DSCAML1: variants seen among roughly 807,000 people sequenced by gnomAD.
DSCAML1 encodes the protein cell adhesion molecule DSCAML1.
Under a neutral mutation model 200.5 loss-of-function variants are expected in DSCAML1, and 38 were observed. That is an observed-to-expected ratio of 0.19 (90% CI 0.15 to 0.25). The LOEUF is 0.25. Among genes scored for constraint, DSCAML1 ranks in the 10% least tolerant of loss-of-function variants. The pLI, the probability that DSCAML1 is intolerant of heterozygous loss-of-function variation, is 1.00. For synonymous variants in DSCAML1, 1,215 were observed against 1,165.0 expected (o/e 1.04, Z -0.87); for missense variants, 2,223 against 2,858.8 (o/e 0.78, Z 5.07).
At chr11:117,687,346 GA>G (rs2053417503) in intron 3 of DSCAML1, among the ~76,000 whole-genome samples, 1 of 151,496 alleles carries the variant, frequency 6.6e-6, no homozygotes, top group Non-Finnish European at 1.5e-5. Flanking sequence ...CTGCAGCTTC[GA>G]ACTCCTGAGC....
intron 3 of DSCAML1, among the ~76,000 whole-genome samples, chr11:117,693,499 C>G (rs926600048): frequency 6.6e-6 from 1 of 152,262 alleles, no homozygotes; most frequent in Non-Finnish European, 1.5e-5. Context: ...CCTGCACCCC[C>G]CCATTTGACA....
rs2047778357 is a variant in DSCAML1 at position 117,431,030 on chromosome 11, TTGTC to T, written c.5375-1_5377del. 3 of 1,610,122 alleles carry T rather than the reference TTGTC, an allele frequency of 1.9e-6. No individual in the cohort carries two copies. Among genetic ancestry groups the T allele is most frequent in the Non-Finnish European group, 2.5e-6 (3 of 1,177,702 alleles). ...AGTGGACACCATGCTGTTCCTTCCT[TTGTC>T]TGGGGAGTTAAGAGGAAAGGGGTGG... On this transcript the variant is annotated splice_acceptor_variant and coding_sequence_variant, in exon 32 of 33. Transcript: ENST00000651296. LOFTEE classifies it high-confidence loss of function.
intron 3 of DSCAML1, among the ~76,000 whole-genome samples, chr11:117,622,812 A>G (rs1428619110): frequency 6.6e-6 from 1 of 152,152 alleles, no homozygotes; most frequent in African/African-American, 2.4e-5. Flanking sequence ...GCATGCGGAC[A>G]TTTCCCATGC....
rs760919440 is a variant in DSCAML1, at chr11:117,521,413, G to A, written c.938-8C>T. The A allele has an allele frequency of 1.2e-5, 19 of 1,608,514 alleles. No individual in the cohort carries two copies. The highest frequency in any genetic ancestry group is 2.7e-5 in the African/African-American group (2 of 74,822). ...GGGTCACATGAAGGGGATCTGGGCCGGGCCAGGGAGACGTGAGGGGAAATG... is the reference window on the plus strand; with the variant it reads ...GGGTCACATGAAGGGGATCTGGGCCAGGCCAGGGAGACGTGAGGGGAAATG... On this transcript the variant is annotated splice_polypyrimidine_tract_variant and splice_region_variant and intron_variant, in intron 5 of 32. Transcript: ENST00000651296.
Position 117,521,343 on chromosome 11 carries a change from GGA to G in DSCAML1, c.998_999del (p.Ile333ThrfsTer25). 1 of 1,614,196 alleles carries G rather than the reference GGA, an allele frequency of 6.2e-7. No individual in the cohort carries two copies. Among genetic ancestry groups the G allele is most frequent in the Non-Finnish European group, 8.5e-7 (1 of 1,180,042 alleles). On this transcript the variant is annotated frameshift_variant, in exon 6 of 33. Transcript: ENST00000651296. LOFTEE classifies it high-confidence loss of function. ...KLKTGIGSTV[I>X]LSCALTGSPE... ...GGGGAGCCCGTCAGGGCACAGGAGA[GGA>G]TGACCGTGCTGCCAATGCCGGTCTT... is the stretch of plus-strand genomic sequence containing the variant.
chr11:117,744,275 C>T (rs1178315095), intron 3 of DSCAML1, among the ~76,000 whole-genome samples: 1 of 152,206 alleles, frequency 6.6e-6, no homozygotes, highest in African/African-American at 2.4e-5. Context: ...CAAACCTGGG[C>T]AGTGTGGCCT....
intron 3 of DSCAML1, among the ~76,000 whole-genome samples, chr11:117,737,211 T>G (rs886798097): frequency 6.6e-6 from 1 of 152,238 alleles, no homozygotes; most frequent in Non-Finnish European, 1.5e-5. Context: ...TAGTTATAAG[T>G]TAGAAAAGAT....
intron 3 of DSCAML1, among the ~76,000 whole-genome samples, chr11:117,658,813 C>G (rs924631248): frequency 6.6e-6 from 1 of 152,206 alleles, no homozygotes; most frequent in African/African-American, 2.4e-5. Context: ...ACAAACCACA[C>G]CTTTCCCCAG....
chr11:117,461,234 C>T (rs552500511), intron 18 of DSCAML1, among the ~76,000 whole-genome samples: 5 of 151,508 alleles, frequency 3.3e-5, no homozygotes, highest in South Asian at 2.1e-4. Context: ...CAGTTGAACA[C>T]GGAGGTGTTC....
intron 3 of DSCAML1, among the ~76,000 whole-genome samples, chr11:117,600,831 C>T (rs576322341): frequency 1.6e-4 from 24 of 152,250 alleles, no homozygotes; most frequent in African/African-American, 5.3e-4. Context: ...TTCCTTCTGC[C>T]CTGGCTGGCC....
chr11:117,518,611 G>T lies in DSCAML1; in HGVS notation c.1365C>A (p.Arg455=), dbSNP rs758110949. The T allele has an allele frequency of 4.3e-6, 7 of 1,613,808 alleles. No individual in the cohort carries two copies. Among genetic ancestry groups the T allele is most frequent in the Non-Finnish European group, 5.9e-6 (7 of 1,179,968 alleles). Residue 455 remains arginine (R), a synonymous_variant, in exon 7 of 33, where the codon CGC becomes CGA. Coordinates refer to ENST00000651296, the MANE Select transcript of DSCAML1 (RefSeq NM_020693.4). This position sits in a 1 kb window ranked among gnomAD's most constrained non-coding sequence, Gnocchi z 6.3. The part of the protein sequence containing the change: ...DEPIVRDGSH[R]TNQYTMSDGT... The stretch of plus-strand genomic sequence containing the variant: ...CGTCCGACATGGTGTACTGGTTGGT[G>T]CGGTGGCTGCCATCCCGCACGATGG...
chr11:117,506,547 CTTTTTTTT>C lies in DSCAML1; in HGVS notation c.1784-823_1784-816del, dbSNP rs5795089. 1.1e-4 allele frequency among the ~76,000 whole-genome samples: 11 copies of C among 96,860 alleles called. No homozygotes were observed. In the East Asian group the frequency reaches 1.2e-3, roughly 11 times the overall value. The allele number at this position is 96,860 out of a possible 152,430, so 63.5% of individuals were successfully genotyped here. A position where few individuals can be genotyped will look rare whatever the true frequency, so the allele number is the denominator to read the frequency against. ...TGCCCAGACAAGAGACAAGAGATAA[CTTTTTTTT>C]TTTTTTTTTTTTTTTTTTTGAGACA... is the stretch of plus-strand genomic sequence containing the variant. On this transcript the variant is annotated intron_variant, in intron 8 of 32. Coordinates refer to ENST00000651296, the MANE Select transcript of DSCAML1 (RefSeq NM_020693.4).
At chr11:117,750,099 G>C (rs73585247) in intron 3 of DSCAML1, among the ~76,000 whole-genome samples, 2,647 of 152,266 alleles carry the variant, frequency 0.017, 66 homozygotes, top group African/African-American at 0.06. Flanking sequence ...AGCCTTTCTG[G>C]GTTGCAGTTC....
At position 117,439,358 on chromosome 11, in the gene DSCAML1, C is replaced by T. The variant is rs763329451; in HGVS notation, c.4052G>A (p.Arg1351His). Residue 1351 changes from arginine to histidine, a missense_variant, in exon 23 of 33, where the codon CGT (arginine) becomes CAT (histidine). This residue lies in a region of DSCAML1 where 614 missense variants were observed against 739.1 expected (regional missense o/e 0.83). Coordinates refer to ENST00000651296, the MANE Select transcript of DSCAML1 (RefSeq NM_020693.4). Reference protein sequence around the residue: ...LIHTNGTLLLRAVKAEDSGYY... With the variant: ...LIHTNGTLLLHAVKAEDSGYY... ...GCCAGAGTCCTCAGCCTTCACTGCACGCAGCAGCAGTGTGCCATTGGTGTG... is the reference window on the plus strand; with the variant it reads ...GCCAGAGTCCTCAGCCTTCACTGCATGCAGCAGCAGTGTGCCATTGGTGTG... 1.6e-5 allele frequency: 26 copies of T among 1,613,848 alleles called. No homozygotes were observed. The highest frequency in any genetic ancestry group is 1.6e-4 in the Middle Eastern group (1 of 6,076).
At chr11:117,768,913 TA>T (rs1304608406) in intron 3 of DSCAML1, among the ~76,000 whole-genome samples, 2 of 150,958 alleles carry the variant, frequency 1.3e-5, no homozygotes, top group Non-Finnish European at 2.9e-5. Flanking sequence ...CCGTCTCTAC[TA>T]AAAATACAAA....
intron 3 of DSCAML1, among the ~76,000 whole-genome samples, chr11:117,577,483 TTCCTTCCTTCCTTCCTTCCTTCCC>T (rs1374582025): frequency 0.044 from 1,279 of 29,336 alleles, 24 homozygotes; most frequent in African/African-American, 0.059. Context: ...CCTTCCTTCC[TTCCTTCCTTCCTTCCTTCCTTCCC>T]TCCTTCCTTC....
intron 3 of DSCAML1, among the ~76,000 whole-genome samples, chr11:117,743,930 G>A (rs1464338946): frequency 6.6e-6 from 1 of 152,144 alleles, no homozygotes; most frequent in African/African-American, 2.4e-5. Context: ...CCAGGAACAT[G>A]TTCACTCGTT....
At chr11:117,646,648 C>G (rs1215468642) in intron 3 of DSCAML1, among the ~76,000 whole-genome samples, 1 of 152,118 alleles carries the variant, frequency 6.6e-6, no homozygotes, top group Non-Finnish European at 1.5e-5. Flanking sequence ...CTTCCCAATC[C>G]CATGGTTAGT....
chr11:117,462,063 G>A (rs2048492869), intron 17 of DSCAML1, among the ~76,000 whole-genome samples: 1 of 152,172 alleles, frequency 6.6e-6, no homozygotes, highest in African/African-American at 2.4e-5. Flanking sequence ...CAGGGGTCTG[G>A]GCCAAGGCCT....
Sources: allele counts gnomAD v4.1 joint callset (sites outside exome capture counted in the v4.1 genomes callset), GRCh38; gene constraint gnomAD v4.1.1; regional missense constraint gnomAD v4.1.1; non-coding constraint Gnocchi (gnomAD v3.1); transcripts MANE v1.5; gene names NCBI Gene and HGNC (gene_info 2026-07-23, HGNC 2026-07-21).